Variants in INTS9 observed in about 807,000 individuals in gnomAD.
The protein encoded by INTS9 is protein related to CPSF subunits of 74 kDa.
INTS9 carries 55 observed loss-of-function variants against 79.7 expected under a neutral mutation model. The observed-to-expected ratio is 0.69, with a 90% CI of 0.56 to 0.86. The LOEUF is 0.86. INTS9 is among the 40% of genes least tolerant of loss of function. The probability of loss-of-function intolerance (pLI) is 0.00; values close to 1 mark genes in which losing one functional copy is unlikely to be tolerated. For missense variants in INTS9, 721 were observed against 831.5 expected, an observed-to-expected ratio of 0.87 and a Z score of 1.64; for synonymous variants, 319 against 325.2, an observed-to-expected ratio of 0.98 and a Z score of 0.20.
chr8:28,849,912 C>G, intron 3 of INTS9: 1 of 263,900 alleles, frequency 3.8e-6, no homozygotes, highest in Non-Finnish European at 7.1e-6. Flanking sequence ...CTTTGAAACA[C>G]TCATTGCAAT....
At chr8:28,784,758 C>T (rs182299687) in intron 11 of INTS9, among the ~76,000 whole-genome samples, 34 of 152,296 alleles carry the variant, frequency 2.2e-4, no homozygotes, top group African/African-American at 7.0e-4. Flanking sequence ...TCGCAGTTAA[C>T]ATGGATGTAT....
chr8:28,811,311 A>G (rs919059138), intron 8 of INTS9, among the ~76,000 whole-genome samples: 2 of 151,916 alleles, frequency 1.3e-5, no homozygotes, highest in South Asian at 2.1e-4. Context: ...TTTAGTAGAG[A>G]TGGGGTTTCA....
chr8:28,844,830 T>TC (rs1167395794), intron 4 of INTS9, among the ~76,000 whole-genome samples: 1 of 152,182 alleles, frequency 6.6e-6, no homozygotes, highest in Non-Finnish European at 1.5e-5. Flanking sequence ...AAAAAATTTT[T>TC]CTTTTTATAA....
rs148390515 is a variant in INTS9, at chr8:28,851,863, T to G, written c.138-1590A>C. On this transcript the variant is annotated intron_variant, in intron 2 of 16. Transcript: ENST00000521022. ...CCACATACCCTTTATCTAGATTAAC[T>G]GTTTACATTTTGCCTTTATTTATCC... Among the ~76,000 whole-genome samples the G allele has an allele frequency of 3.6e-3, 553 of 152,330 alleles. 3 individuals are homozygous for G. The highest frequency in any genetic ancestry group is 0.012 in the African/African-American group (502 of 41,576).
intron 5 of INTS9, 117 bp downstream of exon 5, chr8:28,837,520 G>T: frequency 3.7e-4 from 375 of 1,009,166 alleles, no homozygotes; most frequent in Middle Eastern, 6.9e-4. Flanking sequence ...CCTGTTCTTT[G>T]GGTTAGTTGT....
chr8:28,858,116 G>A (rs1808273414), intron 2 of INTS9, among the ~76,000 whole-genome samples: 1 of 152,202 alleles, frequency 6.6e-6, no homozygotes, highest in Non-Finnish European at 1.5e-5. Flanking sequence ...CCCTCGTCCA[G>A]TTCTCATCAC....
chr8:28,787,864 C>A lies in INTS9; in HGVS notation c.1063G>T (p.Val355Leu). The part of the protein sequence containing the change: ...EWLCHNKQSK[V>L]YLPEPPFPHA... The stretch of plus-strand genomic sequence containing the variant: ...GGAAAAGGTGGTTCTGGAAGATACA[C>A]CTTACTCTGTTTGTTGTGACAAAGC... The change falls in exon 11 of 17, where the codon GTG (valine) becomes TTG (leucine). Residue 355 changes from valine to leucine, a missense_variant. This residue lies in a region of INTS9 where 149 missense variants were observed against 223.7 expected (regional missense o/e 0.67). Transcript: ENST00000521022. 1.2e-6 allele frequency: 2 copies of A among 1,606,694 alleles called. No individual in the cohort carries two copies. Among genetic ancestry groups the A allele is most frequent in the Non-Finnish European group, 1.7e-6 (2 of 1,174,294 alleles).
intron 6 of INTS9, among the ~76,000 whole-genome samples, chr8:28,816,320 A>G (rs1277104104): frequency 4.6e-5 from 5 of 109,798 alleles, no homozygotes; most frequent in Non-Finnish European, 8.6e-5. Context: ...CACCCACAAC[A>G]GTCCCCAGAG....
intron 14 of INTS9, among the ~76,000 whole-genome samples, chr8:28,772,049 C>CG (rs1180271272): frequency 2.0e-5 from 3 of 152,002 alleles, no homozygotes; most frequent in Non-Finnish European, 4.4e-5. Flanking sequence ...TTTGTAGATA[C>CG]GGGGGTCTTG....
chr8:28,805,018 G>C (rs1804729164), intron 8 of INTS9, among the ~76,000 whole-genome samples: 1 of 152,036 alleles, frequency 6.6e-6, no homozygotes. Context: ...TATAATACTA[G>C]AAATTCCTTA....
chr8:28,854,456 A>G (rs1808033514), intron 2 of INTS9, among the ~76,000 whole-genome samples: 1 of 152,160 alleles, frequency 6.6e-6, no homozygotes, highest in African/African-American at 2.4e-5. Context: ...GAGGTGGTAG[A>G]GCAGAAAACA....
intron 8 of INTS9, among the ~76,000 whole-genome samples, chr8:28,805,539 T>A (rs954571571): frequency 6.6e-6 from 1 of 152,154 alleles, no homozygotes; most frequent in Non-Finnish European, 1.5e-5. Flanking sequence ...AGATCACTGT[T>A]GTTGCAGTAA....
chr8:28,850,053 C>T (rs4732887), intron 3 of INTS9, 160 bp downstream of exon 3: 253,724 of 508,246 alleles, frequency 0.5, 67,061 homozygotes, highest in Non-Finnish European at 0.56. Flanking sequence ...TTAAAAACAG[C>T]AGTTACCATG....
intron 3 of INTS9, among the ~76,000 whole-genome samples, chr8:28,849,852 C>G (rs1233120046): frequency 6.6e-6 from 1 of 152,180 alleles, no homozygotes; most frequent in South Asian, 2.1e-4. Context: ...AAAGGTTTTA[C>G]TCTTTGCAAT....
chr8:28,845,547 G>A (rs957627160), intron 4 of INTS9, among the ~76,000 whole-genome samples: 1 of 152,150 alleles, frequency 6.6e-6, no homozygotes, highest in African/African-American at 2.4e-5. Context: ...GAAAGCCATC[G>A]GGACAGCAAT....
At chr8:28,881,883 G>T (rs1367817093) in intron 1 of INTS9, among the ~76,000 whole-genome samples, 1 of 144,872 alleles carries the variant, frequency 6.9e-6, no homozygotes, top group Non-Finnish European at 1.5e-5. Flanking sequence ...GGTGAGGGGC[G>T]CTTCTGCCCG....
intron 3 of INTS9, among the ~76,000 whole-genome samples, chr8:28,849,561 C>T (rs903930954): frequency 7.2e-5 from 11 of 151,876 alleles, no homozygotes; most frequent in African/African-American, 2.2e-4. Context: ...AACGGGATCA[C>T]AGATCATAGT....
intron 4 of INTS9, among the ~76,000 whole-genome samples, chr8:28,846,511 G>A (rs1450345187): frequency 6.6e-6 from 1 of 152,288 alleles, no homozygotes; most frequent in Non-Finnish European, 1.5e-5. Context: ...AGGAGTATTA[G>A]TGGGGATTAC....
chr8:28,814,331 C>T (rs1805345913), intron 6 of INTS9, among the ~76,000 whole-genome samples: 1 of 148,888 alleles, frequency 6.7e-6, no homozygotes, highest in South Asian at 2.2e-4. Flanking sequence ...CACACACACA[C>T]ACACTCTCAC....
Sources: gnomAD v4.1 joint callset for allele counts (sites outside exome capture counted in the v4.1 genomes callset) on GRCh38, gnomAD v4.1.1 for gene constraint, gnomAD v4.1.1 regional missense constraint, MANE v1.5 for transcripts, NCBI Gene and HGNC (gene_info 2026-07-23, HGNC 2026-07-21) for gene names.